SATB2: variants seen among roughly 807,000 people sequenced by gnomAD.
The protein encoded by SATB2 is SATB homeobox 2, also known as DNA-binding protein SATB2.
Under a neutral mutation model 73.4 loss-of-function variants are expected in SATB2, and 1 was observed. That is an observed-to-expected ratio of 0.01 (90% CI 0.00 to 0.06). The LOEUF is 0.06. SATB2 is among the 10% of genes least tolerant of loss of function. The pLI, the probability that SATB2 is intolerant of heterozygous loss-of-function variation, is 1.00. For missense variants in SATB2, 459 were observed against 945.8 expected, an observed-to-expected ratio of 0.49 and a Z score of 6.75; for synonymous variants, 397 against 367.0, an observed-to-expected ratio of 1.08 and a Z score of -0.93.
intron 3 of SATB2, among the ~76,000 whole-genome samples, chr2:199,397,353 C>T (rs528620288): frequency 8.5e-5 from 13 of 152,286 alleles, no homozygotes; most frequent in African/African-American, 3.1e-4. Flanking sequence ...TTTAAAGTGA[C>T]AGTGCTCTTT....
At position 199,381,726 on chromosome 2, in the gene SATB2, A is replaced by G. The variant is rs367590994; in HGVS notation, c.441T>C (p.Tyr147=). The change falls in exon 4 of 11, where the codon TAT becomes TAC. Residue 147 remains tyrosine, a synonymous_variant. Coordinates refer to ENST00000417098, the MANE Select transcript of SATB2 (RefSeq NM_001172509.2). ...ATVADMLQDV[Y]HVVTLKIQLQ... ...ATTGGATTTTCAACGTCACAACATGATAGACATCTTGTAGCATGTCGGCCA... is the reference window on the plus strand; with the variant it reads ...ATTGGATTTTCAACGTCACAACATGGTAGACATCTTGTAGCATGTCGGCCA... The G allele has an allele frequency of 1.2e-6, 2 of 1,614,010 alleles. No homozygotes were observed. The highest frequency in any genetic ancestry group is 2.7e-5 in the African/African-American group (2 of 74,928).
intron 3 of SATB2, 35 bp downstream of exon 3, chr2:199,433,303 A>G (rs1182569945): frequency 6.3e-7 from 1 of 1,596,804 alleles, no homozygotes; most frequent in Admixed American, 1.7e-5. Context: ...ATGACACACA[A>G]GAGACTTGGG....
chr2:199,422,149 T>G (rs1169367514), intron 3 of SATB2, among the ~76,000 whole-genome samples: 2 of 152,156 alleles, frequency 1.3e-5, no homozygotes, highest in African/African-American at 4.8e-5. Flanking sequence ...AAGTAAGAAC[T>G]AGAAGTGAAA....
intron 7 of SATB2, chr2:199,347,017 C>G (rs1163357770): frequency 6.6e-6 from 1 of 151,990 alleles, no homozygotes; most frequent in East Asian, 1.9e-4. Flanking sequence ...CACGCATCAC[C>G]ACGCCCAGCT....
chr2:199,444,602 A>G (rs1211778085), intron 2 of SATB2, among the ~76,000 whole-genome samples: 1 of 152,164 alleles, frequency 6.6e-6, no homozygotes, highest in East Asian at 1.9e-4. Context: ...AAACAGTTCT[A>G]TTCTGACAAG....
At chr2:199,440,283 C>T in intron 2 of SATB2, among the ~76,000 whole-genome samples, 1 of 152,272 alleles carries the variant, frequency 6.6e-6, no homozygotes, top group Non-Finnish European at 1.5e-5. Flanking sequence ...CTACTAGGCA[C>T]CCAGCCCCCT....
intron 7 of SATB2, among the ~76,000 whole-genome samples, chr2:199,338,932 A>AG (rs1481527479): frequency 2.6e-4 from 39 of 151,550 alleles, no homozygotes; most frequent in Non-Finnish European, 4.3e-4. Flanking sequence ...AAAAAAAAAA[A>AG]AAAAGAAAGA....
upstream of SATB2, chr2:199,467,296 GC>G (rs1397367177): frequency 2.6e-5 from 4 of 152,298 alleles, no homozygotes; most frequent in African/African-American, 9.6e-5. Flanking sequence ...CGAGGCCTTA[GC>G]CCAGCGCAAT....
chr2:199,289,630 G>C (rs1162512546), intron 10 of SATB2, among the ~76,000 whole-genome samples: 1 of 152,112 alleles, frequency 6.6e-6, no homozygotes, highest in Non-Finnish European at 1.5e-5. Context: ...ATACGCTTCG[G>C]GGTGGATTTA....
At chr2:199,350,345 A>T (rs577048923) in intron 6 of SATB2, among the ~76,000 whole-genome samples, 3 of 141,010 alleles carry the variant, frequency 2.1e-5, no homozygotes, top group South Asian at 2.2e-4. Context: ...ATGGTTTTAT[A>T]AAAAAAAAAA....
chr2:199,470,999 G>A (rs1692695260), intron 1 of SATB2: 1 of 152,454 alleles, frequency 6.6e-6, no homozygotes, highest in Non-Finnish European at 1.5e-5. Context: ...GGGGCTGGGG[G>A]ACTCCTCTGC....
In SATB2 at chr2:199,318,184, A is replaced by G. The variant is rs537906571; in HGVS notation, c.1542+5619T>C. Among the ~76,000 whole-genome samples, 31 of 152,132 alleles carry G rather than the reference A, an allele frequency of 2.0e-4. 1 individual carries two copies. In the South Asian group the frequency reaches 6.4e-3, roughly 32 times the overall value. ...CCACCAACTCACTTTTACACAGGGTATCTTATGGCCTATAGTTTCTGTTAG... is the reference window on the plus strand; with the variant it reads ...CCACCAACTCACTTTTACACAGGGTGTCTTATGGCCTATAGTTTCTGTTAG... On this transcript the variant is annotated intron_variant, in intron 9 of 10. Transcript: ENST00000417098.
intron 6 of SATB2, among the ~76,000 whole-genome samples, chr2:199,363,883 C>A (rs1378987257): frequency 6.6e-6 from 1 of 152,200 alleles, no homozygotes; most frequent in Non-Finnish European, 1.5e-5. Context: ...AGGCAGAAGG[C>A]AGACAAACTT....
At chr2:199,372,002 A>G (rs1332434230) in intron 5 of SATB2, among the ~76,000 whole-genome samples, 1 of 152,174 alleles carries the variant, frequency 6.6e-6, no homozygotes, top group Admixed American at 6.5e-5. Flanking sequence ...GGCAGTCCCC[A>G]CTCAGATACC....
intron 10 of SATB2, among the ~76,000 whole-genome samples, chr2:199,291,822 G>A (rs540706421): frequency 1.2e-4 from 18 of 152,014 alleles, no homozygotes; most frequent in South Asian, 4.2e-4. Flanking sequence ...TGAGGCAGGA[G>A]AATCGCTTAA....
chr2:199,387,731 G>C (rs1690004809), intron 3 of SATB2, among the ~76,000 whole-genome samples: 1 of 152,152 alleles, frequency 6.6e-6, no homozygotes, highest in South Asian at 2.1e-4. Flanking sequence ...AAAATATAGA[G>C]TACCAATCTA....
rs917334474 is a variant in SATB2 at position 199,457,059 on chromosome 2, C to T, written c.-60+280G>A. The stretch of plus-strand genomic sequence containing the variant: ...ACACCCGCAAGAAGCAAGACCCCGG[C>T]ACCGTACTGCGTGCGCGCTGGGAAT... On this transcript the variant is annotated intron_variant, in intron 1 of 10. Coordinates refer to ENST00000417098, the MANE Select transcript of SATB2 (RefSeq NM_001172509.2). This position sits in a 1 kb window ranked among gnomAD's most constrained non-coding sequence, Gnocchi z 4.8. Among the ~76,000 whole-genome samples the T allele has an allele frequency of 3.9e-5, 6 of 152,266 alleles. No individual in the cohort carries two copies. In the East Asian group the frequency reaches 1.2e-3, roughly 30 times the overall value.
intron 3 of SATB2, among the ~76,000 whole-genome samples, chr2:199,425,443 T>A (rs1379901641): frequency 2.0e-5 from 3 of 152,202 alleles, no homozygotes; most frequent in Non-Finnish European, 4.4e-5. Context: ...GAGGAAATAA[T>A]AAGCTACATT....
At chr2:199,411,684 T>C (rs1403151735) in intron 3 of SATB2, among the ~76,000 whole-genome samples, 6 of 152,226 alleles carry the variant, frequency 3.9e-5, no homozygotes, top group Non-Finnish European at 5.9e-5. Context: ...ATAATGGTTA[T>C]AGTGCAGTCT....
Sources: gnomAD v4.1 joint callset for allele counts (sites outside exome capture counted in the v4.1 genomes callset) on GRCh38, gnomAD v4.1.1 for gene constraint, Gnocchi (gnomAD v3.1) non-coding constraint, MANE v1.5 for transcripts, NCBI Gene and HGNC (gene_info 2026-07-23, HGNC 2026-07-21) for gene names.